CDH13: variants seen among roughly 807,000 people sequenced by gnomAD.
The protein encoded by CDH13 is cadherin-13.
A neutral mutation model predicts 63.8 loss-of-function variants in CDH13; 24 were observed. The observed-to-expected ratio is 0.38, with a 90% CI of 0.27 to 0.53. CDH13 has a LOEUF of 0.53. CDH13 is among the 20% of genes least tolerant of loss of function. CDH13 has a pLI of 0.85. For missense variants in CDH13, 1,049 were observed against 903.1 expected (o/e 1.16, Z -2.07); for synonymous variants, 503 against 355.3 (o/e 1.42, Z -4.67).
At chr16:83,328,650 G>T (rs2151901525) in intron 5 of CDH13, among the ~76,000 whole-genome samples, 1 of 152,138 alleles carries the variant, frequency 6.6e-6, no homozygotes, top group East Asian at 1.9e-4. Context: ...ATGAGAGATG[G>T]TCAGGTTCAG....
intron 8 of CDH13, among the ~76,000 whole-genome samples, chr16:83,670,461 T>C (rs1467063737): frequency 6.6e-6 from 1 of 152,140 alleles, no homozygotes; most frequent in East Asian, 1.9e-4. Flanking sequence ...TGGGGTTTTG[T>C]GGTCCTCTGC....
intron 6 of CDH13, among the ~76,000 whole-genome samples, chr16:83,346,792 G>C (rs1306961689): frequency 2.0e-5 from 3 of 152,080 alleles, no homozygotes; most frequent in Admixed American, 2.0e-4. Flanking sequence ...TTTTATGTAT[G>C]TTTTTTGTGT....
chr16:83,519,534 C>A (rs780058455), intron 7 of CDH13, among the ~76,000 whole-genome samples: 1 of 152,232 alleles, frequency 6.6e-6, no homozygotes, highest in Non-Finnish European at 1.5e-5. Flanking sequence ...GCCACTTTAA[C>A]TATAATACCT....
intron 2 of CDH13, among the ~76,000 whole-genome samples, chr16:82,969,390 C>G (rs1908351658): frequency 6.6e-6 from 1 of 152,032 alleles, no homozygotes; most frequent in African/African-American, 2.4e-5. Context: ...TTTCCTGACC[C>G]CTGATCTCTC....
chr16:83,740,646 C>T (rs1029477586), intron 10 of CDH13, among the ~76,000 whole-genome samples: 2 of 152,174 alleles, frequency 1.3e-5, no homozygotes, highest in Non-Finnish European at 2.9e-5. Flanking sequence ...TGCAGATGTC[C>T]ACAGGATTTC....
At chr16:83,430,453 C>T (rs1409521091) in intron 6 of CDH13, among the ~76,000 whole-genome samples, 3 of 152,184 alleles carry the variant, frequency 2.0e-5, no homozygotes, top group East Asian at 1.9e-4. Flanking sequence ...GTAGTTGACT[C>T]TTATTTACTT....
At chr16:83,343,109 C>T (rs113473222) in intron 5 of CDH13, among the ~76,000 whole-genome samples, 88 of 152,062 alleles carry the variant, frequency 5.8e-4, no homozygotes, top group African/African-American at 1.9e-3. Context: ...ATTTTATCTG[C>T]ACCAGAAATC....
At chr16:83,703,841 G>C (rs948479925) in intron 10 of CDH13, among the ~76,000 whole-genome samples, 2 of 152,108 alleles carry the variant, frequency 1.3e-5, no homozygotes, top group African/African-American at 4.8e-5. Context: ...ACATGCCTCT[G>C]ACTCCATAAT....
At chr16:83,356,565 C>T (rs190105178) in intron 6 of CDH13, among the ~76,000 whole-genome samples, 8 of 152,276 alleles carry the variant, frequency 5.3e-5, no homozygotes, top group African/African-American at 1.2e-4. Flanking sequence ...CTTCTGAGAA[C>T]GCAGTCTAGA....
At chr16:83,492,633 C>T (rs1211640100) in intron 7 of CDH13, among the ~76,000 whole-genome samples, 2 of 152,258 alleles carry the variant, frequency 1.3e-5, no homozygotes, top group African/African-American at 2.4e-5. Flanking sequence ...GCACTTGCTC[C>T]GTTGTTTCAG....
intron 2 of CDH13, among the ~76,000 whole-genome samples, chr16:82,944,862 C>T (rs1191332833): frequency 6.6e-6 from 1 of 151,996 alleles, no homozygotes; most frequent in African/African-American, 2.4e-5. Context: ...CTTCATTTCA[C>T]AAGGTATTAG....
intron 4 of CDH13, among the ~76,000 whole-genome samples, chr16:83,172,316 C>G (rs984093597): frequency 6.6e-6 from 1 of 151,994 alleles, no homozygotes; most frequent in Non-Finnish European, 1.5e-5. Context: ...TAGTGAAACC[C>G]CGTCTCTACT....
Position 83,309,656 on chromosome 16 carries a change from T to G in CDH13, c.637-35206T>G, listed in dbSNP as rs186087882. Among the ~76,000 whole-genome samples the G allele has an allele frequency of 2.9e-3, 447 of 152,128 alleles. 2 individuals are homozygous for G. Among genetic ancestry groups the G allele is most frequent in the Admixed American group, 0.012 (187 of 15,278 alleles). ...TCCCCAAGTGCTGGGATTACAGGCGTGAGCCGCCACGCCCAGCCCCCTCCT... is the reference window on the plus strand; with the variant it reads ...TCCCCAAGTGCTGGGATTACAGGCGGGAGCCGCCACGCCCAGCCCCCTCCT... On this transcript the variant is annotated intron_variant, in intron 5 of 13. Coordinates refer to ENST00000567109, the MANE Select transcript of CDH13 (RefSeq NM_001257.5).
At chr16:82,639,865 C>CGAGA (rs1247673413) in intron 1 of CDH13, among the ~76,000 whole-genome samples, 1 of 152,356 alleles carries the variant, frequency 6.6e-6, no homozygotes, top group East Asian at 1.9e-4. Flanking sequence ...GACACTCTCT[C>CGAGA]CCTTGACAGG....
At chr16:82,968,588 C>T (rs190378743) in intron 2 of CDH13, among the ~76,000 whole-genome samples, 1 of 152,200 alleles carries the variant, frequency 6.6e-6, no homozygotes. Flanking sequence ...CAGTGTAATT[C>T]CCTCCACTAT....
intron 6 of CDH13, among the ~76,000 whole-genome samples, chr16:83,347,350 G>A (rs1567608040): frequency 6.6e-6 from 1 of 150,966 alleles, no homozygotes; most frequent in African/African-American, 2.4e-5. Context: ...GGTGGGGGTA[G>A]GGGTGGGGTT....
chr16:83,419,369 G>A (rs2071647745), intron 6 of CDH13, among the ~76,000 whole-genome samples: 1 of 152,078 alleles, frequency 6.6e-6, no homozygotes, highest in Admixed American at 6.5e-5. Flanking sequence ...CTACTATATG[G>A]GAGGCCCAAT....
At position 83,799,956 on chromosome 16, in the gene CDH13, GAGTC is replaced by G. The variant is rs2151027500; in HGVS notation, c.*4931_*4934del. 7.2e-6 allele frequency: 1 copy of G among 138,062 alleles called. No individual in the cohort carries two copies. The highest frequency in any genetic ancestry group is 2.6e-5 in the African/African-American group (1 of 38,792). 8.6% of individuals were successfully genotyped at this position (138,062 alleles called of 1,614,324 possible). A position where few individuals can be genotyped will look rare whatever the true frequency, so the allele number is the denominator to read the frequency against. ...GAACTTCAATTATATAATTTAAGAA[GAGTC>G]AGTCTATAATTTAAGCAGAAATAAT... On this transcript the variant is annotated 3_prime_UTR_variant, in exon 14 of 14. Transcript: ENST00000567109.
At chr16:83,203,505 T>G (rs1221950054) in intron 4 of CDH13, among the ~76,000 whole-genome samples, 1 of 151,068 alleles carries the variant, frequency 6.6e-6, no homozygotes, top group Non-Finnish European at 1.5e-5. Flanking sequence ...GCTAACATGG[T>G]GAAACCCCGT....
Sources: allele counts gnomAD v4.1 joint callset (sites outside exome capture counted in the v4.1 genomes callset), GRCh38; gene constraint gnomAD v4.1.1; transcripts MANE v1.5; gene names NCBI Gene and HGNC (gene_info 2026-07-23, HGNC 2026-07-21).